Variants in NUP62CL observed in about 807,000 individuals in gnomAD.
The protein encoded by NUP62CL is nucleoporin 62 C-terminal like.
Under a neutral mutation model 15.3 loss-of-function variants are expected in NUP62CL, and 13 were observed. The ratio of observed to expected loss-of-function variants is 0.85; its 90% CI spans 0.55 to 1.35. The LOEUF (loss-of-function observed/expected upper bound fraction) is 1.35, where lower values mean the gene tolerates loss of function less well. NUP62CL is among the 40% of genes most tolerant of loss of function. The pLI, the probability that NUP62CL is intolerant of heterozygous loss-of-function variation, is 0.00. For missense variants in NUP62CL, 123 were observed against 130.6 expected (o/e 0.94, Z 0.28); for synonymous variants, 54 against 49.2 (o/e 1.10, Z -0.41).
chrX:107,157,334 A>AC (rs200767672), intron 4 of NUP62CL, among the ~76,000 whole-genome samples: 5,185 of 106,794 alleles, frequency 0.049, 344 homozygotes, highest in African/African-American at 0.17. Context: ...TGTCAGATTC[A>AC]CCAAAGTTGA....
intron 4 of NUP62CL, among the ~76,000 whole-genome samples, chrX:107,157,123 C>T (rs777269989): frequency 9.1e-5 from 10 of 110,162 alleles, no homozygotes; most frequent in African/African-American, 3.0e-4. Flanking sequence ...AAATGTGGGA[C>T]GATGTGAAAA....
chrX:107,168,405 C>T (rs1310327972), intron 3 of NUP62CL, among the ~76,000 whole-genome samples: 1 of 112,004 alleles, frequency 8.9e-6, no homozygotes, highest in African/African-American at 3.2e-5. Context: ...GCTTTATCTA[C>T]AGCCCAGACT....
chrX:107,180,501 A>G (rs1926890862), intron 2 of NUP62CL, among the ~76,000 whole-genome samples: 1 of 112,252 alleles, frequency 8.9e-6, no homozygotes, highest in South Asian at 3.7e-4. Flanking sequence ...GAAGTTCTCT[A>G]TGTACTGACT....
chrX:107,193,770 A>G (rs1234515224), intron 1 of NUP62CL, among the ~76,000 whole-genome samples: 5 of 111,313 alleles, frequency 4.5e-5, no homozygotes, highest in African/African-American at 1.6e-4. Context: ...ACCTAAGAAA[A>G]TGAGAGAATT....
chrX:107,128,350 A>G (rs1925435399), intron 8 of NUP62CL, among the ~76,000 whole-genome samples: 1 of 112,294 alleles, frequency 8.9e-6, no homozygotes, highest in African/African-American at 3.2e-5. Context: ...GGTCATGTGC[A>G]CATGTCTGTT....
In NUP62CL at chrX:107,158,735, C is replaced by A. The variant is rs1219977757; in HGVS notation, c.195-4489G>T. ...GTTAAAAGAACTAGAAAAGCAAGAG[C>A]AAACACATTCAAAAGCTAGCAGAAG... is the stretch of plus-strand genomic sequence containing the variant. On this transcript the variant is annotated intron_variant, in intron 4 of 8. Coordinates refer to ENST00000372466, the MANE Select transcript of NUP62CL (RefSeq NM_017681.3). Among the ~76,000 whole-genome samples the A allele has an allele frequency of 1.8e-4, 14 of 76,046 alleles. 1 individual carries two copies. The highest frequency in any genetic ancestry group is 1.0e-3 in the Admixed American group (7 of 6,710). The allele number at this position is 76,046 out of a possible 115,157, so 66.0% of individuals were successfully genotyped here.
chrX:107,124,252 T>A lies in NUP62CL; in HGVS notation c.*123A>T, dbSNP rs1398095174. On this transcript the variant is annotated 3_prime_UTR_variant, in exon 9 of 9. Coordinates refer to ENST00000372466, the MANE Select transcript of NUP62CL (RefSeq NM_017681.3). ...GATATGGTCATTCACTAAAAAGCAG[T>A]GTTGACATTGTGTGCATGCTCCTCG... The A allele has an allele frequency of 3.0e-5, 10 of 338,722 alleles. No individual in the cohort carries two copies. In the East Asian group the frequency reaches 8.8e-4, roughly 30 times the overall value. The allele number at this position is 338,722 out of a possible 1,213,427, so 27.9% of individuals were successfully genotyped here. A position where few individuals can be genotyped will look rare whatever the true frequency, so the allele number is the denominator to read the frequency against.
intron 8 of NUP62CL, among the ~76,000 whole-genome samples, chrX:107,137,722 T>G (rs1363455454): frequency 9.0e-6 from 1 of 111,618 alleles, no homozygotes; most frequent in Non-Finnish European, 1.9e-5. Context: ...ATAAAAGAAA[T>G]CAAAGAACAC....
chrX:107,181,282 C>G (rs1340638691), intron 2 of NUP62CL, among the ~76,000 whole-genome samples: 1 of 110,006 alleles, frequency 9.1e-6, no homozygotes, highest in South Asian at 3.9e-4. Context: ...CAAAATTCAT[C>G]CCCTTACCCA....
At chrX:107,154,019 A>G in intron 5 of NUP62CL, 77 bp downstream of exon 5, 1 of 955,502 alleles carries the variant, frequency 1.0e-6, no homozygotes, top group Non-Finnish European at 1.4e-6. Flanking sequence ...GAAAACCACA[A>G]AACACAGGTC....
intron 1 of NUP62CL, among the ~76,000 whole-genome samples, chrX:107,204,046 T>A (rs1293869514): frequency 2.7e-5 from 3 of 110,955 alleles, no homozygotes; most frequent in Non-Finnish European, 3.8e-5. Flanking sequence ...CCATTATTCT[T>A]TTTTTTTATT....
Position 107,161,910 on chromosome X carries a change from G to C in NUP62CL, c.194+5739C>G, listed in dbSNP as rs138952693. 7.6e-3 allele frequency among the ~76,000 whole-genome samples: 783 copies of C among 103,261 alleles called. 24 individuals carry two copies. In the East Asian group the frequency reaches 0.12, roughly 15 times the overall value. 89.7% of individuals were successfully genotyped at this position (103,261 alleles called of 115,157 possible). A position where few individuals can be genotyped will look rare whatever the true frequency, so the allele number is the denominator to read the frequency against. ...AAAAGGCAACAGATGCCAACACTGA[G>C]AGGTATCAGATGTTGGAATTATCTG... On this transcript the variant is annotated intron_variant, in intron 4 of 8. Coordinates refer to ENST00000372466, the MANE Select transcript of NUP62CL (RefSeq NM_017681.3).
chrX:107,162,459 G>GA (rs1053484938), intron 4 of NUP62CL, among the ~76,000 whole-genome samples: 5 of 108,680 alleles, frequency 4.6e-5, no homozygotes, highest in East Asian at 2.9e-4. Context: ...TAAAGACAAA[G>GA]AAAAAAAAAT....
chrX:107,147,436 T>C (rs1470449107), intron 8 of NUP62CL, among the ~76,000 whole-genome samples: 1 of 111,319 alleles, frequency 9.0e-6, no homozygotes, highest in Non-Finnish European at 1.9e-5. Context: ...ATGTAAAACA[T>C]TTATATGGCC....
At chrX:107,177,423 C>A (rs1404120133) in intron 2 of NUP62CL, among the ~76,000 whole-genome samples, 1 of 111,318 alleles carries the variant, frequency 9.0e-6, no homozygotes, top group African/African-American at 3.3e-5. Flanking sequence ...TATCGCCTTA[C>A]TTGATAAAAG....
chrX:107,188,203 C>T (rs1569365223), intron 2 of NUP62CL, among the ~76,000 whole-genome samples: 1 of 111,601 alleles, frequency 9.0e-6, no homozygotes, highest in Non-Finnish European at 1.9e-5. Context: ...ATGCAAGAAT[C>T]CTTAATGAAA....
chrX:107,165,261 T>C (rs751881895), intron 4 of NUP62CL, among the ~76,000 whole-genome samples: 1 of 109,658 alleles, frequency 9.1e-6, no homozygotes, highest in South Asian at 3.9e-4. Context: ...GCTAAGATCT[T>C]GACACTGCAC....
At chrX:107,166,251 A>G (rs2147805872) in intron 4 of NUP62CL, among the ~76,000 whole-genome samples, 1 of 112,193 alleles carries the variant, frequency 8.9e-6, no homozygotes, top group South Asian at 3.7e-4. Context: ...TGGACAAAAG[A>G]TATGAACAGA....
At chrX:107,147,692 C>G (rs1925912106) in intron 8 of NUP62CL, 51 bp downstream of exon 8, 2 of 759,285 alleles carry the variant, frequency 2.6e-6, no homozygotes, top group Non-Finnish European at 4.1e-6. Flanking sequence ...ACATGTATCA[C>G]GTTTTCTACT....
Sources: gnomAD v4.1 joint callset for allele counts (sites outside exome capture counted in the v4.1 genomes callset) on GRCh38, gnomAD v4.1.1 for gene constraint, MANE v1.5 for transcripts, NCBI Gene and HGNC (gene_info 2026-07-23, HGNC 2026-07-21) for gene names.